RBFOX1: variants seen among roughly 807,000 people sequenced by gnomAD.
RBFOX1 encodes the protein RNA binding protein fox-1 homolog 1.
RBFOX1 carries 8 observed loss-of-function variants against 57.7 expected under a neutral mutation model. The ratio of observed to expected loss-of-function variants is 0.14; its 90% CI spans 0.08 to 0.25. RBFOX1 has a LOEUF of 0.25. RBFOX1 is among the 10% of genes least tolerant of loss of function. RBFOX1 has a pLI of 1.00. For missense variants in RBFOX1, 611 were observed against 548.5 expected, an observed-to-expected ratio of 1.11 and a Z score of -1.14; for synonymous variants, 326 against 222.4, an observed-to-expected ratio of 1.47 and a Z score of -4.15.
At chr16:5,761,009 A>C (rs2053572858) in intron 3 of RBFOX1, among the ~76,000 whole-genome samples, 1 of 152,212 alleles carries the variant, frequency 6.6e-6, no homozygotes, top group Non-Finnish European at 1.5e-5. Context: ...CTCAATGAAA[A>C]ACAGATAATG....
chr16:5,588,621 C>G (rs912616466), intron 2 of RBFOX1, among the ~76,000 whole-genome samples: 1 of 152,146 alleles, frequency 6.6e-6, no homozygotes, highest in African/African-American at 2.4e-5. Flanking sequence ...CAGTCCTCAG[C>G]ACGTCCCCAT....
rs922628504 is a variant in RBFOX1, at chr16:6,880,732, A to T, written c.-15-171325A>T. Among the ~76,000 whole-genome samples, 7 of 152,178 alleles carry T rather than the reference A, an allele frequency of 4.6e-5. No individual in the cohort carries two copies. In the East Asian group the frequency reaches 1.3e-3, roughly 29 times the overall value. On this transcript the variant is annotated intron_variant, in intron 3 of 15. Coordinates refer to ENST00000550418, the MANE Select transcript of RBFOX1 (RefSeq NM_018723.4). ...CAGTTTGACTTCTTGGACGATGATTATTTTATGATTGTATTTGATTGCGTT... is the reference window on the plus strand; with the variant it reads ...CAGTTTGACTTCTTGGACGATGATTTTTTTATGATTGTATTTGATTGCGTT...
intron 1 of RBFOX1, among the ~76,000 whole-genome samples, chr16:5,317,172 C>T (rs1263820386): frequency 6.6e-6 from 1 of 152,084 alleles, no homozygotes; most frequent in Admixed American, 6.5e-5. Context: ...ATGAGTGAAC[C>T]AATTCCCTTA....
At chr16:7,437,618 C>G (rs775016932) in intron 4 of RBFOX1, among the ~76,000 whole-genome samples, 2 of 152,080 alleles carry the variant, frequency 1.3e-5, no homozygotes, top group Admixed American at 6.6e-5. Context: ...GCTTTTATAA[C>G]ATAAAGGCTG....
chr16:5,480,129 T>A (rs983540838), intron 2 of RBFOX1, among the ~76,000 whole-genome samples: 7 of 152,224 alleles, frequency 4.6e-5, no homozygotes, highest in East Asian at 1.9e-4. Context: ...AGAGGGAAGC[T>A]ATCTCAGATT....
intron 2 of RBFOX1, among the ~76,000 whole-genome samples, chr16:6,587,810 T>C (rs2097651467): frequency 6.6e-6 from 1 of 152,190 alleles, no homozygotes; most frequent in Non-Finnish European, 1.5e-5. Context: ...TCACCAATGA[T>C]TAACATTTTG....
intron 4 of RBFOX1, among the ~76,000 whole-genome samples, chr16:7,391,521 G>T (rs1256137364): frequency 3.0e-4 from 45 of 152,132 alleles, no homozygotes; most frequent in African/African-American, 9.7e-5. Context: ...CAGTTTCCTT[G>T]TCCCGTTCAC....
intron 1 of RBFOX1, among the ~76,000 whole-genome samples, chr16:5,423,007 AGGAGAAAGGAGAG>A (rs1788290108): frequency 1.1e-5 from 1 of 91,658 alleles, no homozygotes; most frequent in Non-Finnish European, 2.1e-5. Context: ...GGGAGGAAGG[AGGAGAAAGGAGAG>A]GGAGGAAGGG....
chr16:5,804,645 C>T (rs7205304), intron 3 of RBFOX1, among the ~76,000 whole-genome samples: 4,086 of 152,236 alleles, frequency 0.027, 200 homozygotes, highest in African/African-American at 0.092. Flanking sequence ...TGCATCCTCC[C>T]TTCCCCTCTT....
In RBFOX1 at chr16:7,415,734, C is replaced by G. The variant is rs532286760; in HGVS notation, c.28-102413C>G. 4.5e-4 allele frequency among the ~76,000 whole-genome samples: 68 copies of G among 152,216 alleles called. No homozygotes were observed. In the Middle Eastern group the frequency reaches 0.01, roughly 23 times the overall value. ...AAAAGGGCTACCATTTCTTCTCTACCCAGCAATGGTTACGTTAATTTTCCA... is the reference window on the plus strand; with the variant it reads ...AAAAGGGCTACCATTTCTTCTCTACGCAGCAATGGTTACGTTAATTTTCCA... On this transcript the variant is annotated intron_variant, in intron 4 of 15. Coordinates refer to ENST00000550418, the MANE Select transcript of RBFOX1 (RefSeq NM_018723.4).
At chr16:7,643,965 A>G (rs1029000853) in intron 11 of RBFOX1, among the ~76,000 whole-genome samples, 2 of 152,172 alleles carry the variant, frequency 1.3e-5, no homozygotes, top group East Asian at 1.9e-4. Context: ...AACCCAGTCT[A>G]TGATGAATTG....
rs981502164 is a variant in RBFOX1, at chr16:7,186,289, TA to T, written c.27+134194del. 2.0e-4 allele frequency among the ~76,000 whole-genome samples: 24 copies of T among 118,220 alleles called. No individual in the cohort carries two copies. The Admixed American group carries it at 2.0e-3, about 10-fold the overall frequency. 77.6% of individuals were successfully genotyped at this position (118,220 alleles called of 152,430 possible). The stretch of plus-strand genomic sequence containing the variant: ...AAACATAAACATAAACATATTTATA[TA>T]AATATAAACATAAACATATTTATAT... On this transcript the variant is annotated intron_variant, in intron 4 of 15. Coordinates refer to ENST00000550418, the MANE Select transcript of RBFOX1 (RefSeq NM_018723.4).
chr16:6,647,910 C>G (rs545822563), intron 2 of RBFOX1, among the ~76,000 whole-genome samples: 1 of 152,260 alleles, frequency 6.6e-6, no homozygotes, highest in East Asian at 1.9e-4. Context: ...GGTGCAATCT[C>G]GGCTTACTGC....
At chr16:6,783,113 CTG>C (rs1422895227) in intron 3 of RBFOX1, among the ~76,000 whole-genome samples, 1 of 151,602 alleles carries the variant, frequency 6.6e-6, no homozygotes, top group South Asian at 2.1e-4. Context: ...CATTTTCAGT[CTG>C]TGTGTTTTCG....
chr16:6,545,022 T>C (rs2096875889), intron 2 of RBFOX1, among the ~76,000 whole-genome samples: 1 of 152,322 alleles, frequency 6.6e-6, no homozygotes, highest in South Asian at 2.1e-4. Flanking sequence ...GCTGACCATC[T>C]GTCAGGGAAG....
chr16:6,844,205 A>G (rs2093640629), intron 3 of RBFOX1, among the ~76,000 whole-genome samples: 2 of 148,152 alleles, frequency 1.3e-5, no homozygotes, highest in Non-Finnish European at 3.0e-5. Flanking sequence ...TTTTTCCTTC[A>G]TGTTTTAAGT....
chr16:6,715,082 T>G (rs2064511028), intron 3 of RBFOX1, among the ~76,000 whole-genome samples: 1 of 152,096 alleles, frequency 6.6e-6, no homozygotes, highest in African/African-American at 2.4e-5. Context: ...CTAAAGTCTG[T>G]GTGCGGCAGC....
At chr16:5,533,163 G>C (rs1281743333) in intron 2 of RBFOX1, among the ~76,000 whole-genome samples, 1 of 152,174 alleles carries the variant, frequency 6.6e-6, no homozygotes, top group Admixed American at 6.5e-5. Context: ...AAGAGGGTAA[G>C]AACGTATTTA....
In RBFOX1 at chr16:5,909,090, C is replaced by CTTT. The variant is rs3041577; in HGVS notation, c.351+41773_351+41775dup. Among the ~76,000 whole-genome samples the CTTT allele has an allele frequency of 9.9e-4, 115 of 116,380 alleles. 2 individuals are homozygous for CTTT. Among genetic ancestry groups the CTTT allele is most frequent in the African/African-American group, 1.2e-3 (35 of 29,034 alleles). The allele number at this position is 116,380 out of a possible 152,430, so 76.3% of individuals were successfully genotyped here. A position where few individuals can be genotyped will look rare whatever the true frequency, so the allele number is the denominator to read the frequency against. On this transcript the variant is annotated intron_variant, in intron 4 of 19. Transcript: ENST00000641259. ...ATCGGCTCCAACAGACTAAGCCCCC[C>CTTT]TTTTTTTTTTTTTTTTTTTTGAGAC...
Sources: gnomAD v4.1 joint callset for allele counts (sites outside exome capture counted in the v4.1 genomes callset) on GRCh38, gnomAD v4.1.1 for gene constraint, MANE v1.5 for transcripts, NCBI Gene and HGNC (gene_info 2026-07-23, HGNC 2026-07-21) for gene names.